The following CFAP65 variants were observed in gnomAD, a reference collection of about 807,000 sequenced individuals.
CFAP65 encodes the protein cilia- and flagella-associated protein 65.
Under a neutral mutation model 208.0 loss-of-function variants are expected in CFAP65, and 155 were observed. That is an observed-to-expected ratio of 0.75 (90% CI 0.65 to 0.85). The LOEUF (loss-of-function observed/expected upper bound fraction) is 0.85. Ranked by LOEUF, CFAP65 falls within the 40% of genes least tolerant of loss-of-function variation. The probability of loss-of-function intolerance (pLI) is 0.00; values close to 1 mark genes in which losing one functional copy is unlikely to be tolerated. For synonymous variants in CFAP65, 970 were observed against 986.3 expected, an observed-to-expected ratio of 0.98 and a Z score of 0.31; for missense variants, 2,294 against 2,451.3, an observed-to-expected ratio of 0.94 and a Z score of 1.36.
At chr2:219,041,423 C>T in intron 1 of CFAP65, 65 bp downstream of exon 1, 1 of 1,524,010 alleles carries the variant, frequency 6.6e-7, no homozygotes, top group Non-Finnish European at 8.9e-7. Flanking sequence ...GGACAGATAC[C>T]TTCCCTGGCC....
intron 19 of CFAP65, 92 bp from the exon 20 acceptor site, chr2:219,019,811 G>T: frequency 9.7e-7 from 1 of 1,032,724 alleles, no homozygotes; most frequent in South Asian, 1.4e-5. Context: ...GTCCTGGGCA[G>T]TTGGCCCCAG....
chr2:219,013,655 T>C, intron 22 of CFAP65, 70 bp from the exon 23 acceptor site: 1 of 1,427,018 alleles, frequency 7.0e-7, no homozygotes, highest in Non-Finnish European at 9.7e-7. Flanking sequence ...CAAATGGACA[T>C]GACATTTCTG....
rs1401527211 is a variant in CFAP65 at position 219,038,392 on chromosome 2, T to C, written c.340A>G (p.Ser114Gly). The C allele has an allele frequency of 6.2e-7, 1 of 1,613,230 alleles. No homozygotes were observed. The highest frequency in any genetic ancestry group is 8.5e-7 in the Non-Finnish European group (1 of 1,179,992). Residue 114 changes from serine to glycine, a missense_variant, in exon 4 of 35, where the codon AGC becomes GGC. Coordinates refer to ENST00000341552, the MANE Select transcript of CFAP65 (RefSeq NM_194302.4). ...ATCCTTACCTGGGCGCTGATGGTGC[T>C]GCAGGCACTCATGGCTGCACTGCTG... ...NDSSAAMSAC[S>G]TISAQPASSM...
chr2:219,010,791 A>G lies in CFAP65; in HGVS notation c.4149+14T>C. On this transcript the variant is annotated intron_variant, in intron 25 of 34. Coordinates refer to ENST00000341552, the MANE Select transcript of CFAP65 (RefSeq NM_194302.4). ...CACCACCCCACCTCCCACGTCATCCAGGTTGCTGCTCACCGTGTAGGTCTT... is the reference window on the plus strand; with the variant it reads ...CACCACCCCACCTCCCACGTCATCCGGGTTGCTGCTCACCGTGTAGGTCTT... 1 of 1,596,298 alleles carries G rather than the reference A, an allele frequency of 6.3e-7. No homozygotes were observed. Among genetic ancestry groups the G allele is most frequent in the Admixed American group, 1.7e-5 (1 of 59,360 alleles).
chr2:219,026,695 C>G lies in CFAP65; in HGVS notation c.2212-536G>C, dbSNP rs1024498353. 13 of 702,696 alleles carry G rather than the reference C, an allele frequency of 1.9e-5. No homozygotes were observed. The African/African-American group carries it at 2.3e-4, about 13-fold the overall frequency. The allele number at this position is 702,696 out of a possible 1,614,324, so 43.5% of individuals were successfully genotyped here. On this transcript the variant is annotated intron_variant, in intron 13 of 34. Coordinates refer to ENST00000341552, the MANE Select transcript of CFAP65 (RefSeq NM_194302.4). ...CAGGGTGCATTTTACACTCACGGCA[C>G]GTCTCAATTGGGACCAGCCACATAT...
intron 5 of CFAP65, chr2:219,034,942 G>T: frequency 6.0e-6 from 1 of 165,936 alleles, no homozygotes; most frequent in Non-Finnish European, 1.3e-5. Flanking sequence ...TGCACTTTGG[G>T]AAATAGTTTG....
chr2:219,005,296 A>T, intron 32 of CFAP65, 138 bp downstream of exon 32: 1 of 1,201,618 alleles, frequency 8.3e-7, no homozygotes, highest in Non-Finnish European at 1.2e-6. Context: ...AAAGTGTTGG[A>T]ATTACAGGCA....
chr2:219,006,607 G>C (rs1435216167), intron 29 of CFAP65, 98 bp from the exon 30 acceptor site: 5 of 1,184,052 alleles, frequency 4.2e-6, no homozygotes, highest in Non-Finnish European at 6.3e-6. Flanking sequence ...GCCAAGGCGG[G>C]CGGATCACCT....
chr2:219,029,900 C>A (rs571028127), intron 10 of CFAP65, 86 bp downstream of exon 10: 3 of 1,372,594 alleles, frequency 2.2e-6, no homozygotes, highest in African/African-American at 2.9e-5. Context: ...GGTGGCCCCG[C>A]CTCCTAGGAG....
At chr2:219,005,646 G>T in intron 31 of CFAP65, 84 bp from the exon 32 acceptor site, 1 of 1,531,226 alleles carries the variant, frequency 6.5e-7, no homozygotes, top group Non-Finnish European at 9.0e-7. Context: ...TAGCTGCCCA[G>T]TGATGAGGAC....
Position 219,019,727 on chromosome 2 carries a change from G to T in CFAP65, c.3260-8C>A, listed in dbSNP as rs758125055. The stretch of plus-strand genomic sequence containing the variant: ...TCTCCCCAGCCTTGTTATCTGGGGA[G>T]GGGGGTGAGGAAGACAGAAGTGGGC... On this transcript the variant is annotated splice_polypyrimidine_tract_variant and splice_region_variant and intron_variant, in intron 19 of 34. Coordinates refer to ENST00000341552, the MANE Select transcript of CFAP65 (RefSeq NM_194302.4). 1 of 1,611,150 alleles carries T rather than the reference G, an allele frequency of 6.2e-7. No individual in the cohort carries two copies. The highest frequency in any genetic ancestry group is 2.2e-5 in the East Asian group (1 of 44,850).
At position 219,014,348 on chromosome 2, in the gene CFAP65, G is replaced by A. The variant is rs181998450; in HGVS notation, c.3603-304C>T. ...TGAATATGGGGGCCACTTTGAGCTG[G>A]CCATGAACCCTTCTGTGACAAAGCT... On this transcript the variant is annotated intron_variant, in intron 21 of 34. Coordinates refer to ENST00000341552, the MANE Select transcript of CFAP65 (RefSeq NM_194302.4). The A allele has an allele frequency of 8.1e-5, 19 of 235,034 alleles. No homozygotes were observed. The East Asian group carries it at 1.6e-3, about 19-fold the overall frequency. The allele number at this position is 235,034 out of a possible 1,614,324, so 14.6% of individuals were successfully genotyped here.
Position 219,028,016 on chromosome 2 carries a change from G to A in CFAP65, c.1852-7C>T. 6.6e-7 allele frequency: 1 copy of A among 1,516,956 alleles called. No homozygotes were observed. The highest frequency in any genetic ancestry group is 8.8e-7 in the Non-Finnish European group (1 of 1,134,162). The allele number at this position is 1,516,956 out of a possible 1,614,324, so 94.0% of individuals were successfully genotyped here. ...CCGGCATGTCCTCCAGATCCTGCAT[G>A]GGGAAAGACAGGTGGATAGGGCTCA... On this transcript the variant is annotated splice_region_variant and splice_polypyrimidine_tract_variant and intron_variant, in intron 12 of 34. Transcript: ENST00000341552.
At chr2:219,038,785 G>A in intron 3 of CFAP65, 111 bp downstream of exon 3, 4 of 1,258,024 alleles carry the variant, frequency 3.2e-6, no homozygotes, top group Non-Finnish European at 3.3e-6. Flanking sequence ...CTCAGGGAAG[G>A]CACTCCAAAG....
At position 219,019,609 on chromosome 2, in the gene CFAP65, G is replaced by A. The variant is rs753704483; in HGVS notation, c.3370C>T (p.Arg1124Trp). Residue 1124 changes from arginine (R) to tryptophan (W), a missense_variant, in exon 20 of 35, where the codon CGG (arginine) becomes TGG (tryptophan). Transcript: ENST00000341552. Reference protein sequence around the residue: ...SSMGSAEGITRKHLWRLFSLD... With the variant: ...SSMGSAEGITWKHLWRLFSLD... ...GAGAAGAGGCGCCACAGGTGCTTCC[G>A]GGTGATACCCTCAGCACTGCCCATG... 9.3e-6 allele frequency: 15 copies of A among 1,613,688 alleles called. No homozygotes were observed. In the East Asian group the frequency reaches 1.1e-4, roughly 12 times the overall value.
chr2:219,024,314 C>A, intron 14 of CFAP65, 54 bp from the exon 15 acceptor site: 1 of 1,565,548 alleles, frequency 6.4e-7, no homozygotes, highest in South Asian at 1.2e-5. Flanking sequence ...CACCCTGGGA[C>A]ACACACTCAG....
chr2:219,023,421 A>C lies in CFAP65; in HGVS notation c.2606T>G (p.Met869Arg), dbSNP rs553063052. Residue 869 changes from methionine (M) to arginine (R), a missense_variant, in exon 16 of 35, where the codon ATG becomes AGG. Physicochemically the swap from Met to Arg is moderately conservative, Grantham distance 91. Around this residue, in one of 2 missense-constraint regions of CFAP65, gnomAD observed 1,427 missense variants for 1,438.7 expected, o/e 0.99. Coordinates refer to ENST00000341552, the MANE Select transcript of CFAP65 (RefSeq NM_194302.4). ...CTGCAGTGGCTCCTCCCGGCTGTAC[A>C]TGCTCACCTCCTGGAGCCAGAGGAA... ...ASPQYLKEVS[M>R]YSREEPLQLK... 5.7e-6 allele frequency: 9 copies of C among 1,573,830 alleles called. No homozygotes were observed. In the South Asian group the frequency reaches 9.3e-5, roughly 16 times the overall value.
Position 219,041,504 on chromosome 2 carries a change from C to T in CFAP65, c.-65G>A. 6.4e-7 allele frequency: 1 copy of T among 1,550,594 alleles called. No individual in the cohort carries two copies. Among genetic ancestry groups the T allele is most frequent in the African/African-American group, 1.4e-5 (1 of 73,172 alleles). Reference sequence around the variant, plus strand: ...AGAACTTACATCGCCTCCATATTGCCGTCTCCATAGATACAGGACGCGCAG... The same window carrying T: ...AGAACTTACATCGCCTCCATATTGCTGTCTCCATAGATACAGGACGCGCAG... On this transcript the variant is annotated 5_prime_UTR_variant, in exon 1 of 35. Coordinates refer to ENST00000341552, the MANE Select transcript of CFAP65 (RefSeq NM_194302.4).
At chr2:219,023,863 C>G in intron 15 of CFAP65, 152 bp downstream of exon 15, 1 of 972,368 alleles carries the variant, frequency 1.0e-6, no homozygotes, top group African/African-American at 1.6e-5. Flanking sequence ...CAGAAGTGGT[C>G]AAGCAGGTTC....
Sources: gnomAD v4.1 joint callset for allele counts on GRCh38, gnomAD v4.1.1 for gene constraint, gnomAD v4.1.1 regional missense constraint, MANE v1.5 for transcripts, NCBI Gene and HGNC (gene_info 2026-07-23, HGNC 2026-07-21) for gene names.